Variants in IMPG1 observed in about 807,000 individuals in gnomAD.
IMPG1 encodes the protein interphotoreceptor matrix proteoglycan 1.
IMPG1 carries 85 observed loss-of-function variants against 92.0 expected under a neutral mutation model. That is an observed-to-expected ratio of 0.92 (90% CI 0.78 to 1.11). The LOEUF (loss-of-function observed/expected upper bound fraction) is 1.11, where lower values mean the gene tolerates loss of function less well. Among genes scored for constraint, IMPG1 ranks in the 50% least tolerant of loss-of-function variants. The probability of loss-of-function intolerance (pLI) is 0.00; values close to 1 mark genes in which losing one functional copy is unlikely to be tolerated. For missense variants in IMPG1, 1,022 were observed against 956.0 expected (o/e 1.07, Z -0.91); for synonymous variants, 367 against 334.1 (o/e 1.10, Z -1.08).
At chr6:76,053,567 A>T (rs1784076459) in intron 1 of IMPG1, among the ~76,000 whole-genome samples, 1 of 152,200 alleles carries the variant, frequency 6.6e-6, no homozygotes, top group South Asian at 2.1e-4. Flanking sequence ...ATTTGTGCCA[A>T]ATATCCACTT....
At chr6:76,020,800 G>A (rs537788256) in intron 6 of IMPG1, among the ~76,000 whole-genome samples, 6 of 152,226 alleles carry the variant, frequency 3.9e-5, no homozygotes, top group Admixed American at 3.3e-4. Flanking sequence ...ATTCTCATCA[G>A]ATGGGTTTTA....
rs189948104 is a variant in IMPG1, at chr6:75,936,593, A to G, written c.2045-5442T>C. ...TTAGGTTTCATTTCAGTTCTCCACC[A>G]CTCTCAAGAAGCACCACCACAGCTG... On this transcript the variant is annotated intron_variant, in intron 14 of 16. Transcript: ENST00000369950. Among the ~76,000 whole-genome samples, 42 of 152,226 alleles carry G rather than the reference A, an allele frequency of 2.8e-4. No homozygotes were observed. In the East Asian group the frequency reaches 8.1e-3, roughly 29 times the overall value.
intron 1 of IMPG1, among the ~76,000 whole-genome samples, chr6:76,061,907 A>G (rs1439616269): frequency 6.6e-6 from 1 of 152,176 alleles, no homozygotes; most frequent in Admixed American, 6.6e-5. Flanking sequence ...TTTTTGTGCT[A>G]AAACAATTTT....
chr6:75,947,419 A>G lies in IMPG1; in HGVS notation c.1939T>C (p.Tyr647His). 1 of 1,613,886 alleles carries G rather than the reference A, an allele frequency of 6.2e-7. No individual in the cohort carries two copies. The highest frequency in any genetic ancestry group is 2.2e-5 in the East Asian group (1 of 44,868). ...CCGTGCACAGCCTTGGTGAGGTTAT[A>G]CGGCACTGACTTAGCAAACTTCATT... ...SKMKFAKSVP[Y>H]NLTKAVHGVL... Residue 647 changes from tyrosine (Y) to histidine (H), a missense_variant, in exon 14 of 17, where the codon TAT becomes CAT. Physicochemically the swap from Tyr to His is moderately conservative, Grantham distance 83. Transcript: ENST00000369950.
At chr6:75,970,184 C>T (rs1046264258) in intron 12 of IMPG1, among the ~76,000 whole-genome samples, 1 of 152,140 alleles carries the variant, frequency 6.6e-6, no homozygotes, top group Non-Finnish European at 1.5e-5. Flanking sequence ...GCACTTCCTA[C>T]TTGATGTTAA....
chr6:75,975,976 AG>A (rs1370001360), intron 12 of IMPG1, among the ~76,000 whole-genome samples: 2 of 152,146 alleles, frequency 1.3e-5, no homozygotes, highest in African/African-American at 4.8e-5. Context: ...CACTGAGAAA[AG>A]TAAAAAGCAT....
chr6:75,987,079 T>C (rs1007704143), intron 12 of IMPG1, among the ~76,000 whole-genome samples: 4 of 152,172 alleles, frequency 2.6e-5, no homozygotes, highest in African/African-American at 7.2e-5. Flanking sequence ...CCATATTGAA[T>C]AGGGCAGTTA....
intron 13 of IMPG1, among the ~76,000 whole-genome samples, chr6:75,949,124 G>A (rs1368409325): frequency 6.6e-6 from 1 of 152,158 alleles, no homozygotes; most frequent in African/African-American, 2.4e-5. Flanking sequence ...AACATGCCAT[G>A]GTTAGTTTGT....
intron 1 of IMPG1, among the ~76,000 whole-genome samples, chr6:76,057,350 A>G (rs775656507): frequency 1.3e-5 from 2 of 152,172 alleles, no homozygotes; most frequent in Non-Finnish European, 2.9e-5. Flanking sequence ...CCCATATGCA[A>G]TGTGATGAGG....
intron 12 of IMPG1, among the ~76,000 whole-genome samples, chr6:75,984,007 C>A (rs559807824): frequency 6.6e-6 from 1 of 152,046 alleles, no homozygotes; most frequent in Non-Finnish European, 1.5e-5. Flanking sequence ...CAAATTAAAA[C>A]CACAACGAGA....
chr6:75,973,849 G>C (rs1414485782), intron 12 of IMPG1, among the ~76,000 whole-genome samples: 1 of 152,178 alleles, frequency 6.6e-6, no homozygotes, highest in Non-Finnish European at 1.5e-5. Flanking sequence ...GGCATAAAAG[G>C]GAGACCTAAC....
At chr6:75,949,901 A>G (rs1442470793) in intron 13 of IMPG1, among the ~76,000 whole-genome samples, 1 of 152,164 alleles carries the variant, frequency 6.6e-6, no homozygotes, top group Admixed American at 6.6e-5. Flanking sequence ...GATATGTACA[A>G]TTTATTTTAA....
At chr6:76,001,726 G>A (rs2149476457) in intron 12 of IMPG1, among the ~76,000 whole-genome samples, 1 of 152,324 alleles carries the variant, frequency 6.6e-6, no homozygotes, top group African/African-American at 2.4e-5. Flanking sequence ...ACAACATGGA[G>A]CAGAGAAAAG....
chr6:75,923,197 G>A (rs1174978204), intron 16 of IMPG1, among the ~76,000 whole-genome samples: 1 of 151,940 alleles, frequency 6.6e-6, no homozygotes, highest in African/African-American at 2.4e-5. Flanking sequence ...GAACTTTTAC[G>A]AATTTTTGAA....
chr6:75,940,406 TG>T (rs1324439562), intron 14 of IMPG1, among the ~76,000 whole-genome samples: 2 of 152,238 alleles, frequency 1.3e-5, no homozygotes, highest in Admixed American at 1.3e-4. Context: ...CCTTATTTAT[TG>T]CATTTAAAAT....
At chr6:75,973,182 G>T (rs927123555) in intron 12 of IMPG1, among the ~76,000 whole-genome samples, 1 of 150,512 alleles carries the variant, frequency 6.6e-6, no homozygotes, top group Non-Finnish European at 1.5e-5. Flanking sequence ...TTCTCACTCT[G>T]TTGCCCAGGC....
intron 14 of IMPG1, among the ~76,000 whole-genome samples, chr6:75,944,778 A>C (rs192539673): frequency 2.6e-5 from 4 of 152,354 alleles, no homozygotes; most frequent in Admixed American, 2.0e-4. Context: ...GCTTTCATTC[A>C]GATTCACTGC....
At chr6:75,988,306 T>C (rs1263840710) in intron 12 of IMPG1, among the ~76,000 whole-genome samples, 2 of 152,220 alleles carry the variant, frequency 1.3e-5, no homozygotes, top group African/African-American at 2.4e-5. Flanking sequence ...TTCTTAATGA[T>C]CGCCATTCTA....
At chr6:75,990,344 T>C (rs1234701905) in intron 12 of IMPG1, among the ~76,000 whole-genome samples, 1 of 152,184 alleles carries the variant, frequency 6.6e-6, no homozygotes. Flanking sequence ...TCTCATTCAT[T>C]GCCGTGGAAG....
Sources: allele counts gnomAD v4.1 joint callset (sites outside exome capture counted in the v4.1 genomes callset), GRCh38; gene constraint gnomAD v4.1.1; transcripts MANE v1.5; gene names NCBI Gene and HGNC (gene_info 2026-07-23, HGNC 2026-07-21).